Variants in PCLO observed in about 807,000 individuals in gnomAD.
PCLO encodes piccolo presynaptic cytomatrix protein.
PCLO carries 82 observed loss-of-function variants against 427.5 expected under a neutral mutation model. The ratio of observed to expected loss-of-function variants is 0.19; its 90% CI spans 0.16 to 0.23. PCLO has a LOEUF of 0.23. PCLO is among the 10% of genes least tolerant of loss of function. The probability of loss-of-function intolerance (pLI) is 1.00; values close to 1 mark genes in which losing one functional copy is unlikely to be tolerated. For synonymous variants in PCLO, 2,357 were observed against 2,155.4 expected (o/e 1.09, Z -2.59); for missense variants, 6,239 against 6,115.9 (o/e 1.02, Z -0.67).
intron 8 of PCLO, among the ~76,000 whole-genome samples, 163 bp from the exon 9 acceptor site, chr7:82,902,904 A>G (rs1003085047): frequency 1.1e-4 from 16 of 152,050 alleles, no homozygotes; most frequent in Middle Eastern, 3.2e-3. Context: ...CTAACACTAT[A>G]TAATGATATT....
At chr7:82,773,917 C>A (rs1414358184) in intron 22 of PCLO, among the ~76,000 whole-genome samples, 2 of 152,144 alleles carry the variant, frequency 1.3e-5, no homozygotes, top group Non-Finnish European at 2.9e-5. Context: ...CTTCTGTCTT[C>A]CAATCCTGTC....
chr7:82,835,663 C>T lies in PCLO; in HGVS notation c.14249+4G>A. On this transcript the variant is annotated splice_donor_region_variant and intron_variant, in intron 16 of 24. Coordinates refer to ENST00000333891, the MANE Select transcript of PCLO (RefSeq NM_033026.6). ...GCTTGACACTGAAAGAGAAACAACT[C>T]TACCTTGCATTCTGGACAACCATGA... The T allele has an allele frequency of 6.2e-7, 1 of 1,608,650 alleles. No individual in the cohort carries two copies. The highest frequency in any genetic ancestry group is 8.5e-7 in the Non-Finnish European group (1 of 1,177,128).
At chr7:82,840,162 G>A (rs1195472456) in intron 14 of PCLO, among the ~76,000 whole-genome samples, 1 of 152,028 alleles carries the variant, frequency 6.6e-6, no homozygotes, top group East Asian at 1.9e-4. Flanking sequence ...TTTCTTTGCT[G>A]TTTGTGAAAT....
At chr7:82,783,753 T>TAAG (rs1366782702) in intron 22 of PCLO, among the ~76,000 whole-genome samples, 23 of 151,770 alleles carry the variant, frequency 1.5e-4, no homozygotes, top group Admixed American at 1.5e-3. Context: ...GAATATATCA[T>TAAG]AAGAACTCAT....
At chr7:82,888,135 T>C (rs1393037386) in intron 9 of PCLO, among the ~76,000 whole-genome samples, 1 of 151,458 alleles carries the variant, frequency 6.6e-6, no homozygotes, top group African/African-American at 2.4e-5. Flanking sequence ...AATAATAAAA[T>C]AGAAAAAGCC....
chr7:83,025,325 G>A (rs575395567), intron 3 of PCLO, among the ~76,000 whole-genome samples: 48 of 150,880 alleles, frequency 3.2e-4, no homozygotes, highest in South Asian at 2.3e-3. Context: ...CTCAGGAGCC[G>A]ATGCGATCAA....
chr7:82,984,016 T>TA (rs1165923523), intron 3 of PCLO, among the ~76,000 whole-genome samples: 10 of 151,956 alleles, frequency 6.6e-5, no homozygotes, highest in Non-Finnish European at 1.3e-4. Flanking sequence ...TTAACTATAT[T>TA]AAAAAAATGC....
intron 12 of PCLO, among the ~76,000 whole-genome samples, chr7:82,846,312 G>A (rs1294366522): frequency 6.6e-6 from 1 of 152,096 alleles, no homozygotes; most frequent in Non-Finnish European, 1.5e-5. Context: ...AACTCATGCA[G>A]CAAGGATTTT....
At chr7:82,934,618 A>C (rs1794909859) in intron 6 of PCLO, among the ~76,000 whole-genome samples, 1 of 151,730 alleles carries the variant, frequency 6.6e-6, no homozygotes, top group African/African-American at 2.4e-5. Flanking sequence ...ATTCTACAGT[A>C]TGGTGGCTTC....
At chr7:83,031,014 G>C (rs940457518) in intron 3 of PCLO, among the ~76,000 whole-genome samples, 8 of 152,124 alleles carry the variant, frequency 5.3e-5, no homozygotes, top group African/African-American at 1.9e-4. Context: ...GGCAGGCACT[G>C]CACTGCAAGA....
intron 22 of PCLO, among the ~76,000 whole-genome samples, 185 bp from the exon 23 acceptor site, chr7:82,761,678 T>C (rs1185833152): frequency 6.6e-6 from 1 of 152,044 alleles, no homozygotes; most frequent in Non-Finnish European, 1.5e-5. Context: ...GTGAATAAAT[T>C]AATTCACAGA....
intron 4 of PCLO, among the ~76,000 whole-genome samples, chr7:82,958,971 A>C (rs1031630146): frequency 6.6e-6 from 1 of 152,068 alleles, no homozygotes; most frequent in Non-Finnish European, 1.5e-5. Context: ...CACCATCATG[A>C]TGGGGGTGGG....
intron 10 of PCLO, among the ~76,000 whole-genome samples, chr7:82,872,742 C>G (rs1399496367): frequency 1.3e-5 from 2 of 152,006 alleles, no homozygotes; most frequent in African/African-American, 2.4e-5. Context: ...CCTAAATAAC[C>G]AGGGAATGCT....
At chr7:82,974,470 T>C (rs1341314465) in intron 3 of PCLO, among the ~76,000 whole-genome samples, 2 of 152,198 alleles carry the variant, frequency 1.3e-5, no homozygotes, top group Non-Finnish European at 2.9e-5. Context: ...TTCTCACTGG[T>C]AACCAATGAT....
At chr7:83,063,495 A>T (rs967786432) in intron 3 of PCLO, among the ~76,000 whole-genome samples, 1 of 152,134 alleles carries the variant, frequency 6.6e-6, no homozygotes, top group Non-Finnish European at 1.5e-5. Flanking sequence ...AATAAATTAC[A>T]TGTGATATTC....
chr7:82,891,215 A>G (rs1381629311), intron 9 of PCLO, among the ~76,000 whole-genome samples: 1 of 152,154 alleles, frequency 6.6e-6, no homozygotes, highest in Non-Finnish European at 1.5e-5. Flanking sequence ...AAGAAAATGG[A>G]AAGTCTGATT....
At chr7:82,777,107 A>C (rs1303413383) in intron 22 of PCLO, among the ~76,000 whole-genome samples, 1 of 152,040 alleles carries the variant, frequency 6.6e-6, no homozygotes, top group Non-Finnish European at 1.5e-5. Flanking sequence ...CTTTGTTCTC[A>C]ATAGTTTCAA....
chr7:82,911,347 C>T (rs1412318239), intron 7 of PCLO, among the ~76,000 whole-genome samples: 1 of 151,900 alleles, frequency 6.6e-6, no homozygotes, highest in Non-Finnish European at 1.5e-5. Context: ...TTATAACTGT[C>T]TCATCTTTCA....
chr7:82,914,304 T>G (rs1384947937), intron 7 of PCLO: 1 of 435,966 alleles, frequency 2.3e-6, no homozygotes, highest in African/African-American at 2.0e-5. Flanking sequence ...AAACTGAAAC[T>G]GACCAATAAC....
Sources: gnomAD v4.1 joint callset for allele counts (sites outside exome capture counted in the v4.1 genomes callset) on GRCh38, gnomAD v4.1.1 for gene constraint, MANE v1.5 for transcripts, NCBI Gene and HGNC (gene_info 2026-07-23, HGNC 2026-07-21) for gene names.